LIPC: variants seen among roughly 807,000 people sequenced by gnomAD.
The protein encoded by LIPC is lipase C, hepatic type.
Under a neutral mutation model 50.7 loss-of-function variants are expected in LIPC, and 44 were observed. The observed-to-expected ratio is 0.87, with a 90% CI of 0.68 to 1.11. The LOEUF is 1.11. Among genes scored for constraint, LIPC ranks in the 50% most tolerant of loss-of-function variants. LIPC has a pLI of 0.00. For missense variants in LIPC, 697 were observed against 648.2 expected, an observed-to-expected ratio of 1.08 and a Z score of -0.82; for synonymous variants, 271 against 256.4, an observed-to-expected ratio of 1.06 and a Z score of -0.54.
intron 1 of LIPC, among the ~76,000 whole-genome samples, chr15:58,493,528 G>T: frequency 6.7e-6 from 1 of 149,090 alleles, no homozygotes; most frequent in African/African-American, 2.5e-5. Flanking sequence ...AAAAAAGTAT[G>T]TATTTTGTAT....
chr15:58,504,149 G>T (rs1430150054), intron 1 of LIPC, among the ~76,000 whole-genome samples: 8 of 152,172 alleles, frequency 5.3e-5, no homozygotes, highest in Admixed American at 1.3e-4. Context: ...CACCCTGGCT[G>T]GAGTGAACAA....
intron 1 of LIPC, among the ~76,000 whole-genome samples, chr15:58,467,974 TA>T (rs1894635579): frequency 6.6e-6 from 1 of 152,214 alleles, no homozygotes; most frequent in South Asian, 2.1e-4. Flanking sequence ...TGAGGCTTCC[TA>T]AACTTCAGTT....
chr15:58,470,814 G>A (rs1279345786), intron 1 of LIPC, among the ~76,000 whole-genome samples: 2 of 152,094 alleles, frequency 1.3e-5, no homozygotes, highest in Non-Finnish European at 2.9e-5. Flanking sequence ...TAGCAGCCAG[G>A]ATGGTCTTGA....
At chr15:58,489,584 G>A (rs375105401) in intron 1 of LIPC, among the ~76,000 whole-genome samples, 5 of 152,140 alleles carry the variant, frequency 3.3e-5, no homozygotes, top group South Asian at 2.1e-4. Flanking sequence ...CCTCAAGTCC[G>A]GATGTAGTCA....
chr15:58,494,701 G>A, intron 1 of LIPC: 1 of 451,316 alleles, frequency 2.2e-6, no homozygotes, highest in South Asian at 1.6e-5. Context: ...AGATAATGAA[G>A]TTTTGCAAAA....
chr15:58,540,444 C>T (rs1444040956), intron 2 of LIPC, among the ~76,000 whole-genome samples: 1 of 152,150 alleles, frequency 6.6e-6, no homozygotes, highest in Non-Finnish European at 1.5e-5. Flanking sequence ...GGTGAGAAAA[C>T]TGAAGCACAG....
At chr15:58,474,027 C>A (rs1450637171) in intron 1 of LIPC, 1 of 152,194 alleles carries the variant, frequency 6.6e-6, no homozygotes, top group Non-Finnish European at 1.5e-5. Context: ...GGTACATGTG[C>A]CCACTCAGCA....
At chr15:58,441,778 T>C (rs1351519718) in intron 1 of LIPC, among the ~76,000 whole-genome samples, 1 of 152,160 alleles carries the variant, frequency 6.6e-6, no homozygotes, top group African/African-American at 2.4e-5. Context: ...ATCTAGCAGA[T>C]GGGAAGATGA....
chr15:58,459,414 G>C (rs373622519), intron 1 of LIPC, among the ~76,000 whole-genome samples: 1 of 79,468 alleles, frequency 1.3e-5, no homozygotes, highest in Non-Finnish European at 2.7e-5. Flanking sequence ...TTTTTTTTTT[G>C]ATGTCCCTTA....
At chr15:58,549,829 TGGA>T in intron 6 of LIPC, among the ~76,000 whole-genome samples, 1 of 152,338 alleles carries the variant, frequency 6.6e-6, no homozygotes, top group Middle Eastern at 3.4e-3. Context: ...CCCTTAGGGC[TGGA>T]GGAGATGGCA....
chr15:58,523,673 C>G (rs1342455136), intron 1 of LIPC, among the ~76,000 whole-genome samples: 3 of 152,044 alleles, frequency 2.0e-5, no homozygotes, highest in Non-Finnish European at 2.9e-5. Context: ...AATCCCAACA[C>G]TTTGGGAGCC....
At chr15:58,525,297 T>G (rs1469208786) in intron 1 of LIPC, among the ~76,000 whole-genome samples, 1 of 152,266 alleles carries the variant, frequency 6.6e-6, no homozygotes, top group Non-Finnish European at 1.5e-5. Flanking sequence ...GTTTCTATTC[T>G]GCTTCTTTAT....
chr15:58,462,774 G>C (rs1894400386), intron 1 of LIPC, among the ~76,000 whole-genome samples: 1 of 152,108 alleles, frequency 6.6e-6, no homozygotes, highest in Admixed American at 6.5e-5. Flanking sequence ...TCTCCTCCCA[G>C]GCAATCCTAT....
intron 1 of LIPC, among the ~76,000 whole-genome samples, chr15:58,479,190 G>A (rs1457166235): frequency 2.6e-5 from 4 of 152,318 alleles, no homozygotes; most frequent in Non-Finnish European, 4.4e-5. Context: ...AAATTGAATT[G>A]AATGGCAATC....
intron 1 of LIPC, among the ~76,000 whole-genome samples, chr15:58,533,910 AC>A (rs1408874799): frequency 2.6e-5 from 4 of 152,218 alleles, no homozygotes; most frequent in Admixed American, 6.5e-5. Flanking sequence ...AAAATATGAA[AC>A]AGTTAAAAGT....
rs147463555 is a variant in LIPC at position 58,468,120 on chromosome 15, G to A, written c.88+36000G>A. Among the ~76,000 whole-genome samples, 766 of 152,290 alleles carry A rather than the reference G, an allele frequency of 5.0e-3. 7 individuals carry two copies. The highest frequency in any genetic ancestry group is 0.018 in the African/African-American group (732 of 41,564). On this transcript the variant is annotated intron_variant, in intron 1 of 8. Transcript: ENST00000299022. ...TATCCCACTCAATGCTTGGGGAAAG[G>A]CAAAGCAGCTAATATTACCCCAGAT... is the stretch of plus-strand genomic sequence containing the variant.
chr15:58,541,447 A>C (rs1003573398), intron 2 of LIPC, among the ~76,000 whole-genome samples: 1 of 148,654 alleles, frequency 6.7e-6, no homozygotes, highest in Non-Finnish European at 1.5e-5. Flanking sequence ...AGGTTTAGAA[A>C]GTCCCTAAGA....
chr15:58,538,451 G>C lies in LIPC; in HGVS notation c.207G>C (p.Pro69=), dbSNP rs200127425. The C allele has an allele frequency of 3.1e-6, 5 of 1,614,166 alleles. No individual in the cohort carries two copies. In the South Asian group the frequency reaches 5.5e-5, roughly 18 times the overall value. The change falls in exon 2 of 9, where the codon CCG becomes CCC. Residue 69 remains proline, a synonymous_variant. Coordinates refer to ENST00000299022, the MANE Select transcript of LIPC (RefSeq NM_000236.3). ...GCTGTCAGATTCGAATCAATCATCC[G>C]GACACGTTACAGGAGTGCGGCTTCA... The part of the protein sequence containing the change: ...NQGCQIRINH[P]DTLQECGFNS...
chr15:58,477,248 A>T (rs1171738804), intron 1 of LIPC, among the ~76,000 whole-genome samples: 2 of 152,166 alleles, frequency 1.3e-5, no homozygotes, highest in Non-Finnish European at 2.9e-5. Context: ...CTGCCAAGAT[A>T]TGTCTTTGGA....
Sources: gnomAD v4.1 joint callset for allele counts (sites outside exome capture counted in the v4.1 genomes callset) on GRCh38, gnomAD v4.1.1 for gene constraint, MANE v1.5 for transcripts, NCBI Gene and HGNC (gene_info 2026-07-23, HGNC 2026-07-21) for gene names.